Variants in NOTCH2 observed in about 807,000 individuals in gnomAD.
NOTCH2 encodes neurogenic locus notch homolog protein 2.
NOTCH2 carries 29 observed loss-of-function variants against 235.8 expected under a neutral mutation model. The ratio of observed to expected loss-of-function variants is 0.12; its 90% CI spans 0.09 to 0.17. The LOEUF (loss-of-function observed/expected upper bound fraction) is 0.17. NOTCH2 is among the 10% of genes least tolerant of loss of function. NOTCH2 has a pLI of 1.00. For synonymous variants in NOTCH2, 1,086 were observed against 1,141.5 expected (o/e 0.95, Z 0.98); for missense variants, 2,285 against 3,150.2 (o/e 0.73, Z 6.57).
At chr1:119,999,928 AAAGAAAG>A (rs1652653768) in intron 3 of NOTCH2, among the ~76,000 whole-genome samples, 1 of 87,626 alleles carries the variant, frequency 1.1e-5, no homozygotes, top group South Asian at 4.9e-4. Context: ...AGAAAGAAAG[AAAGAAAG>A]AAAGAAAGAA....
intron 17 of NOTCH2, among the ~76,000 whole-genome samples, chr1:119,947,814 T>C (rs1312891491): frequency 6.6e-6 from 1 of 152,202 alleles, no homozygotes; most frequent in Non-Finnish European, 1.5e-5. Context: ...TAAACTAGAA[T>C]GTACTATTGA....
chr1:119,994,529 T>TATACACACAC (rs1352687791), intron 4 of NOTCH2: 2 of 111,842 alleles, frequency 1.8e-5, no homozygotes, highest in African/African-American at 8.5e-5. Flanking sequence ...CATATATATA[T>TATACACACAC]ACACACACAC....
intron 2 of NOTCH2, among the ~76,000 whole-genome samples, chr1:120,029,297 G>C (rs1653999175): frequency 1.3e-5 from 2 of 151,558 alleles, no homozygotes; most frequent in Non-Finnish European, 2.9e-5. Flanking sequence ...GAGACTCTAA[G>C]AGTATGCCTT....
At position 119,963,126 on chromosome 1, in the gene NOTCH2, C is replaced by T. The variant is rs587715400; in HGVS notation, c.1915+448G>A. Among the ~76,000 whole-genome samples, 20 of 143,324 alleles carry T rather than the reference C, an allele frequency of 1.4e-4. No individual in the cohort carries two copies. In the East Asian group the frequency reaches 3.6e-3, roughly 26 times the overall value. The allele number at this position is 143,324 out of a possible 152,430, so 94.0% of individuals were successfully genotyped here. ...AACATGTCACAATAAAGAGACTGAA[C>T]TGTGAAAGAGAAAATACATTAAAGG... is the stretch of plus-strand genomic sequence containing the variant. On this transcript the variant is annotated intron_variant, in intron 11 of 33. Transcript: ENST00000256646.
chr1:119,937,208 T>C (rs1360041349), intron 21 of NOTCH2, 74 bp downstream of exon 21: 2 of 1,427,132 alleles, frequency 1.4e-6, no homozygotes, highest in African/African-American at 1.4e-5. Flanking sequence ...GCAGCTAAAT[T>C]CAATATATCA....
chr1:119,983,221 G>C (rs56368891), intron 5 of NOTCH2, among the ~76,000 whole-genome samples: 5,808 of 150,142 alleles, frequency 0.039, 146 homozygotes, highest in Non-Finnish European at 0.055. Context: ...TTTGAGACAG[G>C]TTCTTGGTCT....
chr1:119,940,745 T>A lies in NOTCH2; in HGVS notation c.2993A>T (p.Asn998Ile), dbSNP rs782277113. 1 of 1,614,130 alleles carries A rather than the reference T, an allele frequency of 6.2e-7. No homozygotes were observed. Among genetic ancestry groups the A allele is most frequent in the South Asian group, 1.1e-5 (1 of 91,084 alleles). ...AATCCCATCAACACATGTGCCACCA[T>A]TGAAACAGGAGCTAAGAAGCAAACA... ...INECTESSCF[N>I]GGTCVDGINS... The change falls in exon 19 of 34, where the codon AAT becomes ATT. Residue 998 changes from asparagine (N) to isoleucine (I), a missense_variant. Around this residue, in one of 6 missense-constraint regions of NOTCH2, gnomAD observed 1,173 missense variants for 1,515.3 expected, o/e 0.77. Coordinates refer to ENST00000256646, the MANE Select transcript of NOTCH2 (RefSeq NM_024408.4).
intron 1 of NOTCH2, among the ~76,000 whole-genome samples, chr1:120,039,466 T>A (rs1338640431): frequency 2.0e-5 from 3 of 150,140 alleles, no homozygotes; most frequent in East Asian, 3.9e-4. Flanking sequence ...TGGAGTGCAG[T>A]GGCGCAATCT....
In NOTCH2 at chr1:119,911,585, T is replaced by C. The variant is rs906266162; in HGVS notation, c.*3721A>G. Reference sequence around the variant, plus strand: ...TCAAATATCTCACTGACTTTATAAATAAATGTATGAATGTGAACTTATAAC... The same window carrying C: ...TCAAATATCTCACTGACTTTATAAACAAATGTATGAATGTGAACTTATAAC... On this transcript the variant is annotated 3_prime_UTR_variant, in exon 34 of 34. Coordinates refer to ENST00000256646, the MANE Select transcript of NOTCH2 (RefSeq NM_024408.4). The C allele has an allele frequency of 8.7e-6, 2 of 230,984 alleles. No homozygotes were observed. The highest frequency in any genetic ancestry group is 1.8e-4 in the South Asian group (1 of 5,514). 14.3% of individuals were successfully genotyped at this position (230,984 alleles called of 1,614,324 possible).
intron 5 of NOTCH2, among the ~76,000 whole-genome samples, chr1:119,981,986 T>A (rs1350759105): frequency 6.6e-6 from 1 of 150,866 alleles, no homozygotes; most frequent in Admixed American, 6.6e-5. Flanking sequence ...AAAGCCTTAC[T>A]CTAGAGAATA....
At chr1:119,971,763 A>T (rs1553200391) in intron 5 of NOTCH2, among the ~76,000 whole-genome samples, 1 of 152,182 alleles carries the variant, frequency 6.6e-6, no homozygotes, top group African/African-American at 2.4e-5. Flanking sequence ...AAAGAGAAAA[A>T]AACATGGTGG....
intron 22 of NOTCH2, among the ~76,000 whole-genome samples, chr1:119,934,565 C>T (rs945218832): frequency 8.5e-5 from 13 of 152,192 alleles, no homozygotes; most frequent in African/African-American, 3.1e-4. Flanking sequence ...TTCCCATTAA[C>T]CTCATTCCTT....
At chr1:120,025,315 G>A (rs1570758026) in intron 2 of NOTCH2, among the ~76,000 whole-genome samples, 1 of 151,688 alleles carries the variant, frequency 6.6e-6, no homozygotes, top group African/African-American at 2.4e-5. Context: ...CCTGGGGCTG[G>A]GAGGACAAGT....
intron 4 of NOTCH2, chr1:119,996,360 T>A (rs1206105774): frequency 2.3e-6 from 1 of 429,504 alleles, no homozygotes; most frequent in Non-Finnish European, 4.4e-6. Context: ...CTCTCATATA[T>A]CATCTATCAG....
intron 30 of NOTCH2, 68 bp downstream of exon 30, chr1:119,920,161 C>T: frequency 6.3e-7 from 1 of 1,585,902 alleles, no homozygotes; most frequent in Non-Finnish European, 8.6e-7. Context: ...AGGGCAAACA[C>T]AGGGACAACA....
rs781783704 is a variant in NOTCH2 at position 119,997,315 on chromosome 1, T to C, written c.433A>G (p.Thr145Ala). 6.2e-7 allele frequency: 1 copy of C among 1,613,924 alleles called. No individual in the cohort carries two copies. Among genetic ancestry groups the C allele is most frequent in the Admixed American group, 1.7e-5 (1 of 60,010 alleles). Reference protein sequence around the residue: ...VGFTGKECQWTDACLSHPCAN... With the variant: ...VGFTGKECQWADACLSHPCAN... Reference sequence around the variant, plus strand: ...CAGGGATGAGACAGGCAGGCATCCGTCCATTGGCACTCCTTACCTAAAGGA... The same window carrying C: ...CAGGGATGAGACAGGCAGGCATCCGCCCATTGGCACTCCTTACCTAAAGGA... Residue 145 changes from threonine to alanine, a missense_variant, in exon 4 of 34, where the codon ACG becomes GCG. Transcript: ENST00000256646.
At chr1:119,991,849 G>GA (rs1652260950) in intron 4 of NOTCH2, among the ~76,000 whole-genome samples, 1 of 127,972 alleles carries the variant, frequency 7.8e-6, no homozygotes, top group East Asian at 2.1e-4. Context: ...AAAAAGAAAA[G>GA]AAAAGAAAAG....
Position 119,915,100 on chromosome 1 carries a change from G to C in NOTCH2, c.*206C>G. On this transcript the variant is annotated 3_prime_UTR_variant, in exon 34 of 34. Transcript: ENST00000256646. ...GCATTTCCACAAACTTGTCTTATTA[G>C]ATTAGAATAATCAATAAGCCTTGCA... 8.2e-6 allele frequency: 5 copies of C among 613,412 alleles called. No individual in the cohort carries two copies. The highest frequency in any genetic ancestry group is 5.8e-6 in the Non-Finnish European group (2 of 345,370). 38.0% of individuals were successfully genotyped at this position (613,412 alleles called of 1,614,324 possible). A position where few individuals can be genotyped will look rare whatever the true frequency, so the allele number is the denominator to read the frequency against.
intron 16 of NOTCH2, 78 bp from the exon 17 acceptor site, chr1:119,948,644 G>T (rs55945553): frequency 1.3e-6 from 2 of 1,528,778 alleles, no homozygotes. Flanking sequence ...CCTGAGCTTA[G>T]TTGGGGTGCA....
Sources: allele counts gnomAD v4.1 joint callset (sites outside exome capture counted in the v4.1 genomes callset), GRCh38; gene constraint gnomAD v4.1.1; regional missense constraint gnomAD v4.1.1; transcripts MANE v1.5; gene names NCBI Gene and HGNC (gene_info 2026-07-23, HGNC 2026-07-21).